CDH13: variants seen among roughly 807,000 people sequenced by gnomAD.
CDH13 encodes cadherin 13, also known as cadherin-13.
A neutral mutation model predicts 63.8 loss-of-function variants in CDH13; 24 were observed. The ratio of observed to expected loss-of-function variants is 0.38; its 90% CI spans 0.27 to 0.53. The LOEUF (loss-of-function observed/expected upper bound fraction) is 0.53. Among genes scored for constraint, CDH13 ranks in the 20% least tolerant of loss-of-function variants. The pLI is 0.85. For missense variants in CDH13, 1,049 were observed against 903.1 expected, an observed-to-expected ratio of 1.16 and a Z score of -2.07; for synonymous variants, 503 against 355.3, an observed-to-expected ratio of 1.42 and a Z score of -4.67.
intron 1 of CDH13, among the ~76,000 whole-genome samples, chr16:82,795,177 G>T (rs964034683): frequency 4.6e-5 from 7 of 152,198 alleles, no homozygotes; most frequent in African/African-American, 1.7e-4. Context: ...GGAAGTTTTA[G>T]CTCTGGTCTG....
At chr16:83,402,726 G>C (rs2091986485) in intron 6 of CDH13, among the ~76,000 whole-genome samples, 1 of 152,132 alleles carries the variant, frequency 6.6e-6, no homozygotes, top group South Asian at 2.1e-4. Flanking sequence ...TCAGGAATCT[G>C]GCAGAAAGTC....
intron 3 of CDH13, among the ~76,000 whole-genome samples, chr16:83,081,681 A>G (rs80239408): frequency 0.069 from 10,493 of 152,062 alleles, 465 homozygotes; most frequent in African/African-American, 0.13. Context: ...GTAAACTCAC[A>G]CAGTAAAGAG....
chr16:83,170,691 C>T (rs76040600), intron 4 of CDH13, among the ~76,000 whole-genome samples: 5,452 of 152,146 alleles, frequency 0.036, 320 homozygotes, highest in African/African-American at 0.12. Flanking sequence ...GCACCCATCC[C>T]TATAATATAT....
At chr16:82,926,309 C>G (rs1021209027) in intron 2 of CDH13, among the ~76,000 whole-genome samples, 1 of 151,760 alleles carries the variant, frequency 6.6e-6, no homozygotes, top group Non-Finnish European at 1.5e-5. Flanking sequence ...AAAAAAAAGG[C>G]CAGAAGACCA....
At chr16:82,664,125 A>G (rs1346816801) in intron 1 of CDH13, among the ~76,000 whole-genome samples, 3 of 152,244 alleles carry the variant, frequency 2.0e-5, no homozygotes, top group African/African-American at 7.2e-5. Flanking sequence ...AGGACAGTGA[A>G]GGGTTGAGGC....
intron 6 of CDH13, among the ~76,000 whole-genome samples, chr16:83,367,214 CA>C (rs571342598): frequency 1.4e-4 from 21 of 152,310 alleles, no homozygotes; most frequent in Non-Finnish European, 2.5e-4. Flanking sequence ...CATATAAATG[CA>C]GTCATGCAAT....
intron 1 of CDH13, among the ~76,000 whole-genome samples, chr16:82,666,890 C>T (rs1912649330): frequency 6.6e-6 from 1 of 152,136 alleles, no homozygotes; most frequent in African/African-American, 2.4e-5. Context: ...ACCACCTTGT[C>T]AAGATGGGTG....
chr16:82,839,134 T>C (rs370819606), intron 1 of CDH13, among the ~76,000 whole-genome samples: 11 of 152,166 alleles, frequency 7.2e-5, no homozygotes, highest in African/African-American at 1.7e-4. Flanking sequence ...CAGTGGAGGA[T>C]TGGGACAAGA....
At chr16:83,491,073 G>C (rs748846727) in intron 7 of CDH13, among the ~76,000 whole-genome samples, 1 of 152,146 alleles carries the variant, frequency 6.6e-6, no homozygotes, top group African/African-American at 2.4e-5. Flanking sequence ...CCACATTCTG[G>C]CATGGATATA....
chr16:82,780,787 ATTG>A (rs1385756378), intron 1 of CDH13, among the ~76,000 whole-genome samples: 1 of 152,188 alleles, frequency 6.6e-6, no homozygotes, highest in Non-Finnish European at 1.5e-5. Context: ...TCATTGTTCT[ATTG>A]TTGTCTTGGA....
intron 1 of CDH13, among the ~76,000 whole-genome samples, chr16:82,704,181 G>C (rs2031289200): frequency 6.6e-6 from 1 of 152,152 alleles, no homozygotes; most frequent in Non-Finnish European, 1.5e-5. Flanking sequence ...GGGGGTTGTA[G>C]TCTTGTGGAA....
chr16:83,009,572 C>T (rs1392400002), intron 2 of CDH13, among the ~76,000 whole-genome samples: 1 of 152,144 alleles, frequency 6.6e-6, no homozygotes, highest in East Asian at 1.9e-4. Context: ...GGCTGAGTAG[C>T]AGTACTCTTT....
At chr16:82,914,647 T>C (rs1416724379) in intron 2 of CDH13, among the ~76,000 whole-genome samples, 2 of 152,206 alleles carry the variant, frequency 1.3e-5, no homozygotes, top group South Asian at 2.1e-4. Context: ...TCCTGCTTTC[T>C]TGAAGCTTGG....
intron 6 of CDH13, among the ~76,000 whole-genome samples, chr16:83,448,612 A>T (rs985923277): frequency 6.6e-6 from 1 of 152,194 alleles, no homozygotes; most frequent in Admixed American, 6.5e-5. Flanking sequence ...GCAGATACTA[A>T]CTAGTATCAT....
chr16:83,015,209 C>T (rs1490305309), intron 2 of CDH13, among the ~76,000 whole-genome samples: 3 of 151,874 alleles, frequency 2.0e-5, no homozygotes, highest in Non-Finnish European at 4.4e-5. Flanking sequence ...TCCTATTTCA[C>T]TTCAGTTGAT....
intron 4 of CDH13, among the ~76,000 whole-genome samples, chr16:83,158,312 G>T (rs2037302609): frequency 6.6e-6 from 1 of 152,136 alleles, no homozygotes. Context: ...CTGCCTCTCT[G>T]AATGTTGTTT....
intron 3 of CDH13, among the ~76,000 whole-genome samples, chr16:83,119,314 G>T (rs2035456686): frequency 6.6e-6 from 1 of 152,034 alleles, no homozygotes; most frequent in Admixed American, 6.6e-5. Flanking sequence ...TCCATGTCTT[G>T]CAGCTACTCT....
chr16:82,787,398 A>C (rs1382773899), intron 1 of CDH13, among the ~76,000 whole-genome samples: 4 of 152,322 alleles, frequency 2.6e-5, no homozygotes, highest in Admixed American at 6.5e-5. Context: ...CATTTGACTC[A>C]TTTCATTATT....
intron 2 of CDH13, among the ~76,000 whole-genome samples, chr16:82,955,461 A>T (rs763151564): frequency 1.3e-5 from 2 of 152,240 alleles, no homozygotes; most frequent in Non-Finnish European, 2.9e-5. Context: ...GTTTATGATT[A>T]TGGGTTGCCT....
Sources: gnomAD v4.1 joint callset for allele counts (sites outside exome capture counted in the v4.1 genomes callset) on GRCh38, gnomAD v4.1.1 for gene constraint, MANE v1.5 for transcripts, NCBI Gene and HGNC (gene_info 2026-07-23, HGNC 2026-07-21) for gene names.